Variants in CSMD1 observed in about 807,000 individuals in gnomAD.
CSMD1 encodes the protein CUB and Sushi multiple domains 1, also known as CUB and sushi domain-containing protein 1.
Under a neutral mutation model 417.5 loss-of-function variants are expected in CSMD1, and 213 were observed. The ratio of observed to expected loss-of-function variants is 0.51; its 90% CI spans 0.46 to 0.57. The LOEUF is 0.57. Among genes scored for constraint, CSMD1 ranks in the 20% least tolerant of loss-of-function variants. CSMD1 has a pLI of 0.00. For missense variants in CSMD1, 6,923 were observed against 4,529.7 expected, an observed-to-expected ratio of 1.53 and a Z score of -15.17; for synonymous variants, 2,862 against 1,736.8, an observed-to-expected ratio of 1.65 and a Z score of -16.11.
intron 7 of CSMD1, among the ~76,000 whole-genome samples, chr8:3,662,601 T>C (rs1474712099): frequency 6.6e-6 from 1 of 152,216 alleles, no homozygotes; most frequent in African/African-American, 2.4e-5. Flanking sequence ...TTCTACATCC[T>C]TGAAGAATCT....
chr8:4,460,774 T>A (rs1341677344), intron 2 of CSMD1, among the ~76,000 whole-genome samples: 1 of 152,146 alleles, frequency 6.6e-6, no homozygotes, highest in African/African-American at 2.4e-5. Flanking sequence ...CAAGTAAAGG[T>A]AGTAATTTTA....
chr8:4,796,570 C>G (rs1301026348), intron 1 of CSMD1, among the ~76,000 whole-genome samples: 1 of 151,858 alleles, frequency 6.6e-6, no homozygotes, highest in Non-Finnish European at 1.5e-5. Flanking sequence ...CTGTCTCCCA[C>G]TCACTGTGGG....
At chr8:3,877,715 C>T (rs1374802565) in intron 5 of CSMD1, among the ~76,000 whole-genome samples, 1 of 152,064 alleles carries the variant, frequency 6.6e-6, no homozygotes, top group Non-Finnish European at 1.5e-5. Context: ...CATATGCAGT[C>T]ACAATAAAAT....
intron 1 of CSMD1, among the ~76,000 whole-genome samples, chr8:4,844,103 G>A (rs1165635537): frequency 6.6e-6 from 1 of 152,170 alleles, no homozygotes; most frequent in Non-Finnish European, 1.5e-5. Context: ...TGAAGTGTTT[G>A]TCTAAGAGCT....
intron 5 of CSMD1, among the ~76,000 whole-genome samples, chr8:3,898,893 A>T (rs535574085): frequency 1.3e-5 from 2 of 152,320 alleles, no homozygotes; most frequent in Admixed American, 6.5e-5. Context: ...TAGGGGTTAC[A>T]GTCATTTTAA....
intron 1 of CSMD1, among the ~76,000 whole-genome samples, chr8:4,648,193 T>G (rs1803657635): frequency 6.6e-6 from 1 of 152,258 alleles, no homozygotes; most frequent in Admixed American, 6.5e-5. Flanking sequence ...TTCTTATGTT[T>G]GTTGGACACA....
At position 3,327,642 on chromosome 8, in the gene CSMD1, G is replaced by C. The variant is rs566505234; in HGVS notation, c.3631+15652C>G. ...TAGTGACCTGGGAATAGTAAAGTTT[G>C]AGGTAGACCACTCATTTTGGGGGAA... On this transcript the variant is annotated intron_variant, in intron 23 of 69. Coordinates refer to ENST00000635120, the MANE Select transcript of CSMD1 (RefSeq NM_033225.6). 2.6e-5 allele frequency among the ~76,000 whole-genome samples: 4 copies of C among 152,280 alleles called. No individual in the cohort carries two copies. The South Asian group carries it at 8.3e-4, about 32-fold the overall frequency.
intron 18 of CSMD1, among the ~76,000 whole-genome samples, chr8:3,383,640 C>G (rs1025378877): frequency 7.9e-5 from 12 of 152,082 alleles, no homozygotes; most frequent in Non-Finnish European, 1.8e-4. Context: ...AGAAGAACAA[C>G]TCCAGAATAA....
intron 1 of CSMD1, among the ~76,000 whole-genome samples, chr8:4,727,044 C>A (rs1259202148): frequency 6.6e-6 from 1 of 152,088 alleles, no homozygotes; most frequent in East Asian, 1.9e-4. Flanking sequence ...CAACTGTTTT[C>A]TAAATGGAGA....
intron 26 of CSMD1, among the ~76,000 whole-genome samples, chr8:3,236,284 A>G (rs982124666): frequency 1.3e-5 from 2 of 152,072 alleles, no homozygotes; most frequent in Non-Finnish European, 2.9e-5. Flanking sequence ...CTGCTTGTAT[A>G]TTTTCAAAGG....
chr8:3,212,632 G>C (rs1797679454), intron 30 of CSMD1, among the ~76,000 whole-genome samples: 1 of 152,132 alleles, frequency 6.6e-6, no homozygotes, highest in African/African-American at 2.4e-5. Flanking sequence ...GGGATTACAG[G>C]TGTGAGCCAC....
At chr8:4,307,185 G>C (rs534569846) in intron 3 of CSMD1, among the ~76,000 whole-genome samples, 1 of 152,182 alleles carries the variant, frequency 6.6e-6, no homozygotes, top group East Asian at 1.9e-4. Context: ...ATTTAATACT[G>C]TATCAACCCC....
intron 10 of CSMD1, among the ~76,000 whole-genome samples, chr8:3,496,583 T>G (rs915277630): frequency 1.3e-5 from 2 of 152,194 alleles, no homozygotes; most frequent in Non-Finnish European, 2.9e-5. Context: ...TTCCCAGCAC[T>G]TTGGGAGGCC....
chr8:4,726,332 T>C (rs1301615302), intron 1 of CSMD1, among the ~76,000 whole-genome samples: 1 of 152,190 alleles, frequency 6.6e-6, no homozygotes, highest in South Asian at 2.1e-4. Flanking sequence ...AAAAAAAGCT[T>C]TTTGTATTCC....
intron 26 of CSMD1, among the ~76,000 whole-genome samples, chr8:3,243,741 ATAT>A (rs966661443): frequency 4.6e-5 from 7 of 151,132 alleles, no homozygotes; most frequent in Non-Finnish European, 7.4e-5. Context: ...AAAATTACAA[ATAT>A]TATTTATGTA....
chr8:3,390,431 A>AG, intron 17 of CSMD1, among the ~76,000 whole-genome samples: 1 of 151,856 alleles, frequency 6.6e-6, no homozygotes, highest in Non-Finnish European at 1.5e-5. Context: ...ATTTATGATA[A>AG]ACTAAGACCA....
At chr8:4,062,915 C>CAAAA (rs71205413) in intron 3 of CSMD1, among the ~76,000 whole-genome samples, 2 of 147,528 alleles carry the variant, frequency 1.4e-5, no homozygotes, top group African/African-American at 2.5e-5. Flanking sequence ...CTGATCATTG[C>CAAAA]AAAAAAAAAA....
At chr8:3,173,632 T>C (rs995843981) in intron 37 of CSMD1, among the ~76,000 whole-genome samples, 21 of 152,164 alleles carry the variant, frequency 1.4e-4, no homozygotes, top group African/African-American at 4.1e-4. Flanking sequence ...TGAATGCTGG[T>C]TTATATGGTC....
intron 3 of CSMD1, among the ~76,000 whole-genome samples, chr8:4,040,360 TAAAC>T (rs1417589894): frequency 2.0e-5 from 3 of 152,312 alleles, no homozygotes; most frequent in East Asian, 1.9e-4. Flanking sequence ...ATGCCCATTT[TAAAC>T]AAACAAACAC....
Sources: allele counts gnomAD v4.1 joint callset (sites outside exome capture counted in the v4.1 genomes callset), GRCh38; gene constraint gnomAD v4.1.1; transcripts MANE v1.5; gene names NCBI Gene and HGNC (gene_info 2026-07-23, HGNC 2026-07-21).